CNTN4: variants seen among roughly 807,000 people sequenced by gnomAD.
CNTN4 encodes contactin-4.
A neutral mutation model predicts 122.5 loss-of-function variants in CNTN4; 77 were observed. The observed-to-expected ratio is 0.63, with a 90% CI of 0.52 to 0.76. The LOEUF (loss-of-function observed/expected upper bound fraction) is 0.76, where lower values mean the gene tolerates loss of function less well. Ranked by LOEUF, CNTN4 falls within the 30% of genes least tolerant of loss-of-function variation. The probability of loss-of-function intolerance (pLI) is 0.00; values close to 1 mark genes in which losing one functional copy is unlikely to be tolerated. For synonymous variants in CNTN4, 512 were observed against 447.0 expected, an observed-to-expected ratio of 1.15 and a Z score of -1.83; for missense variants, 1,256 against 1,259.1, an observed-to-expected ratio of 1.00 and a Z score of 0.04.
At chr3:2,672,027 G>T (rs192610472) in intron 4 of CNTN4, among the ~76,000 whole-genome samples, 58 of 152,312 alleles carry the variant, frequency 3.8e-4, no homozygotes, top group African/African-American at 1.3e-3. Flanking sequence ...TGCCCCTACT[G>T]GGGGGTGCCT....
intron 20 of CNTN4, chr3:3,041,205 C>A (rs573642990): frequency 6.6e-6 from 1 of 152,158 alleles, no homozygotes; most frequent in Admixed American, 6.5e-5. Flanking sequence ...ATAACTTATT[C>A]CCAATCAGAG....
At chr3:2,104,849 G>C (rs1232349702) in intron 2 of CNTN4, among the ~76,000 whole-genome samples, 1 of 152,184 alleles carries the variant, frequency 6.6e-6, no homozygotes, top group Non-Finnish European at 1.5e-5. Context: ...GGGGAAAAGA[G>C]AGCATGGATT....
chr3:2,386,428 A>G (rs1559508023), intron 3 of CNTN4, among the ~76,000 whole-genome samples: 1 of 152,212 alleles, frequency 6.6e-6, no homozygotes, highest in Non-Finnish European at 1.5e-5. Flanking sequence ...ATCTGGGGCC[A>G]GTTCCCCTAA....
chr3:2,869,307 T>A (rs2093759167), intron 8 of CNTN4, among the ~76,000 whole-genome samples: 1 of 151,632 alleles, frequency 6.6e-6, no homozygotes, highest in Non-Finnish European at 1.5e-5. Flanking sequence ...TTAATTCAGT[T>A]GGGAAATGAT....
chr3:2,729,563 A>AG (rs1553622894), intron 4 of CNTN4, among the ~76,000 whole-genome samples: 1 of 148,338 alleles, frequency 6.7e-6, no homozygotes, highest in East Asian at 2.0e-4. Context: ...AAAAAAAAAA[A>AG]GAAGAGAAAA....
At chr3:2,106,904 C>T (rs895993176) in intron 2 of CNTN4, among the ~76,000 whole-genome samples, 4 of 152,208 alleles carry the variant, frequency 2.6e-5, no homozygotes, top group Admixed American at 6.5e-5. Context: ...TTCCACAGAT[C>T]TCTAGGGCAG....
At chr3:2,169,020 G>A (rs994995515) in intron 2 of CNTN4, among the ~76,000 whole-genome samples, 1 of 152,076 alleles carries the variant, frequency 6.6e-6, no homozygotes, top group African/African-American at 2.4e-5. Context: ...GATTTAAAAT[G>A]TTTCAGAATT....
In CNTN4 at chr3:2,681,721, A is replaced by T. The variant is rs575780511; in HGVS notation, c.56-54494A>T. The stretch of plus-strand genomic sequence containing the variant: ...TATATATTCATGTATAAATATATAT[A>T]TATATGTAGAAATATTTTCTAATAA... On this transcript the variant is annotated intron_variant, in intron 4 of 24. Coordinates refer to ENST00000418658, the MANE Select transcript of CNTN4 (RefSeq NM_175607.3). Among the ~76,000 whole-genome samples, 3 of 152,142 alleles carry T rather than the reference A, an allele frequency of 2.0e-5. No homozygotes were observed. In the South Asian group the frequency reaches 6.2e-4, roughly 32 times the overall value.
chr3:2,554,608 A>T (rs1203295656), intron 3 of CNTN4, among the ~76,000 whole-genome samples: 2 of 152,144 alleles, frequency 1.3e-5, no homozygotes, highest in African/African-American at 4.8e-5. Flanking sequence ...GTAAATATAT[A>T]TATTTTTTAT....
At chr3:2,168,588 A>G (rs547889657) in intron 2 of CNTN4, among the ~76,000 whole-genome samples, 1 of 148,130 alleles carries the variant, frequency 6.8e-6, no homozygotes, top group African/African-American at 2.6e-5. Flanking sequence ...TAAAAAGTGA[A>G]TAGTTATTTA....
At chr3:2,415,543 A>G (rs1182738780) in intron 3 of CNTN4, among the ~76,000 whole-genome samples, 1 of 152,206 alleles carries the variant, frequency 6.6e-6, no homozygotes, top group Non-Finnish European at 1.5e-5. Context: ...AAAGAAGAAA[A>G]TGTATTAAAC....
At chr3:2,256,957 C>A (rs2040618949) in intron 2 of CNTN4, among the ~76,000 whole-genome samples, 1 of 152,000 alleles carries the variant, frequency 6.6e-6, no homozygotes, top group African/African-American at 2.4e-5. Flanking sequence ...TTGTATGGAA[C>A]CAAAAAAGAG....
At chr3:2,217,786 T>A (rs1441676026) in intron 2 of CNTN4, among the ~76,000 whole-genome samples, 1 of 152,210 alleles carries the variant, frequency 6.6e-6, no homozygotes, top group African/African-American at 2.4e-5. Context: ...GAATCATAGA[T>A]GACCTTAGAA....
chr3:2,461,541 T>C (rs571968347), intron 3 of CNTN4, among the ~76,000 whole-genome samples: 4 of 152,294 alleles, frequency 2.6e-5, no homozygotes, highest in African/African-American at 9.6e-5. Context: ...GGTCTGATTC[T>C]AGAACCTGAG....
intron 7 of CNTN4, among the ~76,000 whole-genome samples, chr3:2,821,709 G>C (rs185152917): frequency 6.6e-6 from 1 of 152,314 alleles, no homozygotes; most frequent in Non-Finnish European, 1.5e-5. Context: ...GGATTCAGTA[G>C]TGTGGAGGTT....
intron 2 of CNTN4, among the ~76,000 whole-genome samples, chr3:2,293,863 G>A (rs1341435463): frequency 2.0e-5 from 3 of 152,010 alleles, no homozygotes; most frequent in Non-Finnish European, 4.4e-5. Flanking sequence ...ATCTCTTGCT[G>A]TGTCACAAAC....
chr3:2,233,411 T>A (rs2039563584), intron 2 of CNTN4, among the ~76,000 whole-genome samples: 1 of 152,182 alleles, frequency 6.6e-6, no homozygotes, highest in African/African-American at 2.4e-5. Flanking sequence ...GTTTTTGTTT[T>A]TCGCAGTCTT....
intron 2 of CNTN4, among the ~76,000 whole-genome samples, chr3:2,107,722 C>T (rs1040134303): frequency 6.6e-6 from 1 of 152,004 alleles, no homozygotes; most frequent in African/African-American, 2.4e-5. Flanking sequence ...AAAGTGAATA[C>T]TGATTTATTA....
intron 3 of CNTN4, among the ~76,000 whole-genome samples, chr3:2,458,142 A>C (rs2049069201): frequency 6.6e-6 from 1 of 151,932 alleles, no homozygotes; most frequent in African/African-American, 2.4e-5. Flanking sequence ...TGAATTGCAC[A>C]CTCTCCTGCT....
Sources: allele counts gnomAD v4.1 joint callset (sites outside exome capture counted in the v4.1 genomes callset), GRCh38; gene constraint gnomAD v4.1.1; transcripts MANE v1.5; gene names NCBI Gene and HGNC (gene_info 2026-07-23, HGNC 2026-07-21).